PTPRG: variants seen among roughly 807,000 people sequenced by gnomAD.
PTPRG encodes protein tyrosine phosphatase receptor type G, also known as receptor-type tyrosine-protein phosphatase gamma.
Under a neutral mutation model 165.3 loss-of-function variants are expected in PTPRG, and 102 were observed. The observed-to-expected ratio is 0.62, with a 90% CI of 0.53 to 0.73. The LOEUF is 0.73. Among genes scored for constraint, PTPRG ranks in the 30% least tolerant of loss-of-function variants. The pLI is 0.00. For missense variants in PTPRG, 1,866 were observed against 1,861.4 expected, an observed-to-expected ratio of 1.00 and a Z score of -0.05; for synonymous variants, 675 against 669.5, an observed-to-expected ratio of 1.01 and a Z score of -0.13.
chr3:62,003,819 A>C (rs1003770940), intron 4 of PTPRG, among the ~76,000 whole-genome samples: 1 of 152,212 alleles, frequency 6.6e-6, no homozygotes, highest in Admixed American at 6.5e-5. Context: ...ATTTTGTACG[A>C]AACTGGGTTG....
In PTPRG at chr3:62,075,733, C is replaced by G. The variant is rs72889527; in HGVS notation, c.520-2430C>G. On this transcript the variant is annotated intron_variant, in intron 4 of 29. Transcript: ENST00000474889. Reference sequence around the variant, plus strand: ...CTGTTTACCTTTGACCTATATTTAGCTTTTCCTTCTGGGACTTTATTGTTC... The same window carrying G: ...CTGTTTACCTTTGACCTATATTTAGGTTTTCCTTCTGGGACTTTATTGTTC... Among the ~76,000 whole-genome samples the G allele has an allele frequency of 3.2e-3, 484 of 152,252 alleles. 2 individuals are homozygous for G. Among genetic ancestry groups the G allele is most frequent in the African/African-American group, 0.011 (463 of 41,548 alleles).
intron 6 of PTPRG, among the ~76,000 whole-genome samples, chr3:62,152,898 A>G (rs1704388243): frequency 6.6e-6 from 1 of 152,238 alleles, no homozygotes; most frequent in Non-Finnish European, 1.5e-5. Context: ...CCGAAGGCCA[A>G]ATCCATTCTA....
Position 62,238,199 on chromosome 3 carries a change from C to T in PTPRG, c.2376-5608C>T, listed in dbSNP as rs141647879. 3.3e-5 allele frequency among the ~76,000 whole-genome samples: 5 copies of T among 152,264 alleles called. No individual in the cohort carries two copies. In the East Asian group the frequency reaches 9.6e-4, roughly 29 times the overall value. ...TTAGGGACCAACAGATTCACATTTC[C>T]CGTTTCACTTTCATTCTGTCTCACA... On this transcript the variant is annotated intron_variant, in intron 14 of 29. Transcript: ENST00000474889.
chr3:61,627,389 C>T (rs1414650248), intron 1 of PTPRG, among the ~76,000 whole-genome samples: 1 of 152,138 alleles, frequency 6.6e-6, no homozygotes, highest in Admixed American at 6.5e-5. Flanking sequence ...GGGGACTCTT[C>T]TATCTCTGAA....
chr3:61,924,845 T>A (rs1427963760), intron 2 of PTPRG, among the ~76,000 whole-genome samples: 1 of 152,242 alleles, frequency 6.6e-6, no homozygotes, highest in African/African-American at 2.4e-5. Context: ...ATTCATATAC[T>A]GAAGCCTTGC....
chr3:61,989,526 G>A, intron 2 of PTPRG, 99 bp from the exon 3 acceptor site: 1 of 1,119,304 alleles, frequency 8.9e-7, no homozygotes, highest in Non-Finnish European at 1.3e-6. Flanking sequence ...TTTGGATTGG[G>A]GACATGTTGA....
chr3:62,066,084 T>C (rs532134789), intron 4 of PTPRG, among the ~76,000 whole-genome samples: 13 of 152,302 alleles, frequency 8.5e-5, no homozygotes, highest in Admixed American at 6.5e-4. Context: ...ACAAGCTTTC[T>C]TGGAGGTCTC....
intron 1 of PTPRG, among the ~76,000 whole-genome samples, chr3:61,605,576 T>C (rs1224051123): frequency 6.6e-6 from 1 of 151,872 alleles, no homozygotes; most frequent in Non-Finnish European, 1.5e-5. Flanking sequence ...TTTTTTTGTT[T>C]TTTTTATTTT....
chr3:62,262,580 T>A (rs886533343), intron 16 of PTPRG: 14 of 403,442 alleles, frequency 3.5e-5, no homozygotes, highest in African/African-American at 2.9e-4. Context: ...TAGAAAAAAG[T>A]AGATGATTGA....
intron 1 of PTPRG, among the ~76,000 whole-genome samples, chr3:61,728,761 G>A (rs1321488937): frequency 6.6e-6 from 1 of 150,916 alleles, no homozygotes; most frequent in African/African-American, 2.4e-5. Context: ...CAGGGAGCAG[G>A]CCTGGTGGCT....
chr3:62,205,243 G>A (rs1330530069), intron 12 of PTPRG, among the ~76,000 whole-genome samples: 1 of 152,172 alleles, frequency 6.6e-6, no homozygotes, highest in African/African-American at 2.4e-5. Flanking sequence ...GTGGAACTGA[G>A]TGAAGGAAAT....
At position 61,693,665 on chromosome 3, in the gene PTPRG, G is replaced by A. The variant is rs184552545; in HGVS notation, c.86-55213G>A. 2.6e-4 allele frequency among the ~76,000 whole-genome samples: 40 copies of A among 152,202 alleles called. No individual in the cohort carries two copies. In the East Asian group the frequency reaches 3.3e-3, roughly 12 times the overall value. On this transcript the variant is annotated intron_variant, in intron 1 of 29. Transcript: ENST00000474889. ...GGCTGGGGAGGGAGAAGATGAAGAC[G>A]TATTGAAATCTGACTCCAGGCTTGT...
chr3:62,199,021 G>T (rs573649963), intron 10 of PTPRG, among the ~76,000 whole-genome samples: 4 of 152,320 alleles, frequency 2.6e-5, no homozygotes, highest in Non-Finnish European at 5.9e-5. Context: ...CCCCAATGGA[G>T]ATTGTTCAAG....
At chr3:62,261,354 A>C (rs947917469) in intron 16 of PTPRG, among the ~76,000 whole-genome samples, 9 of 152,326 alleles carry the variant, frequency 5.9e-5, no homozygotes, top group Non-Finnish European at 5.9e-5. Context: ...CCAACGTGCT[A>C]AGTTTGGCTA....
intron 2 of PTPRG, among the ~76,000 whole-genome samples, chr3:61,926,414 T>TA (rs2039211955): frequency 6.6e-6 from 1 of 152,148 alleles, no homozygotes; most frequent in Non-Finnish European, 1.5e-5. Flanking sequence ...AGCCATGTGA[T>TA]ACGTGTGCCT....
chr3:61,600,609 A>G (rs970238902), intron 1 of PTPRG, among the ~76,000 whole-genome samples: 3 of 152,152 alleles, frequency 2.0e-5, no homozygotes, highest in Non-Finnish European at 4.4e-5. Flanking sequence ...GCACAATGAC[A>G]GCCCACTGCA....
At chr3:61,923,879 G>C (rs1269486022) in intron 2 of PTPRG, among the ~76,000 whole-genome samples, 2 of 151,702 alleles carry the variant, frequency 1.3e-5, no homozygotes, top group Non-Finnish European at 2.9e-5. Context: ...ATAAAATATA[G>C]TAAAGGGGAT....
intron 2 of PTPRG, among the ~76,000 whole-genome samples, chr3:61,814,026 G>A (rs1377744832): frequency 2.6e-5 from 4 of 151,704 alleles, no homozygotes; most frequent in African/African-American, 4.8e-5. Flanking sequence ...TCAGCCTCCA[G>A]AGTAGCTGGG....
At chr3:61,562,536 A>G (rs991138673) in intron 1 of PTPRG, among the ~76,000 whole-genome samples, 164 bp downstream of exon 1, 7 of 142,272 alleles carry the variant, frequency 4.9e-5, no homozygotes, top group African/African-American at 7.8e-5. Context: ...GCTGGCTTGG[A>G]TGATGTTTAG....
Sources: allele counts gnomAD v4.1 joint callset (sites outside exome capture counted in the v4.1 genomes callset), GRCh38; gene constraint gnomAD v4.1.1; transcripts MANE v1.5; gene names NCBI Gene and HGNC (gene_info 2026-07-23, HGNC 2026-07-21).